Variants in PTPRN observed in about 807,000 individuals in gnomAD.
The protein encoded by PTPRN is protein tyrosine phosphatase receptor type N.
PTPRN carries 70 observed loss-of-function variants against 108.5 expected under a neutral mutation model. The ratio of observed to expected loss-of-function variants is 0.65; its 90% confidence interval spans 0.53 to 0.79. The LOEUF (loss-of-function observed/expected upper bound fraction) is 0.79. PTPRN is among the 30% of genes least tolerant of loss of function. The probability of loss-of-function intolerance (pLI) is 0.00; values close to 1 mark genes in which losing one functional copy is unlikely to be tolerated. For synonymous variants in PTPRN, 496 were observed against 524.6 expected (o/e 0.95, Z 0.75); for missense variants, 1,136 against 1,295.5 (o/e 0.88, Z 1.89).
At position 219,295,068 on chromosome 2, in the gene PTPRN, G is replaced by GTC. The variant is rs1559295062; in HGVS notation, c.2580_2581dup (p.Thr861ArgfsTer35). 6.2e-7 allele frequency: 1 copy of GTC among 1,613,636 alleles called. No homozygotes were observed. Among genetic ancestry groups the GTC allele is most frequent in the Non-Finnish European group, 8.5e-7 (1 of 1,179,694 alleles). Reference sequence around the variant, plus strand: ...CTGCGTGAGCGTGCGCGTCTCCTGGGTCTGCACGTTCTTCAGGTAGAAGCT... The same window carrying GTC: ...CTGCGTGAGCGTGCGCGTCTCCTGGGTCTCTGCACGTTCTTCAGGTAGAAGCT... On this transcript the variant is annotated frameshift_variant, in exon 19 of 23. Transcript: ENST00000295718. LOFTEE classifies it high-confidence loss of function.
chr2:219,298,542 T>TA, intron 12 of PTPRN, among the ~76,000 whole-genome samples: 1 of 151,214 alleles, frequency 6.6e-6, no homozygotes, highest in Non-Finnish European at 1.5e-5. Flanking sequence ...CCATCTCTAC[T>TA]AAAAATACAA....
chr2:219,293,357 T>C (rs527713713), intron 19 of PTPRN, among the ~76,000 whole-genome samples: 4 of 152,186 alleles, frequency 2.6e-5, no homozygotes, highest in African/African-American at 9.6e-5. Flanking sequence ...ATTTTTGTAT[T>C]TTTGGCAGAA....
rs961282073 is a variant in PTPRN at position 219,301,630 on chromosome 2, T to C, written c.1084A>G (p.Thr362Ala). The C allele has an allele frequency of 6.2e-7, 1 of 1,613,134 alleles. No homozygotes were observed. Among genetic ancestry groups the C allele is most frequent in the Non-Finnish European group, 8.5e-7 (1 of 1,179,318 alleles). The part of the protein sequence containing the change: ...LTPEQLSTLL[T>A]LLQLLPKGAG... ...CCCTTGGGCAGTAGCTGCAGCAGGG[T>C]CAGGAGTGTGGAGAGCTGCTCAGGG... Residue 362 changes from threonine (T) to alanine (A), a missense_variant, in exon 7 of 23, where the codon ACC becomes GCC. Coordinates refer to ENST00000295718, the MANE Select transcript of PTPRN (RefSeq NM_002846.4).
rs1311853325 is a variant in PTPRN at position 219,291,508 on chromosome 2, G to A, written c.2691C>T (p.Cys897=). 5.0e-6 allele frequency: 8 copies of A among 1,614,028 alleles called. No individual in the cohort carries two copies. The highest frequency in any genetic ancestry group is 5.9e-6 in the Non-Finnish European group (7 of 1,180,006). The change falls in exon 20 of 23, where the codon TGC becomes TGT. Residue 897 remains cysteine (C), a synonymous_variant. Transcript: ENST00000295718. ...TGATGGGGCAGGAGCGGCCCCGGTAGCACTTGTTCACCTTCCTGCAACAAG... is the reference window on the plus strand; with the variant it reads ...TGATGGGGCAGGAGCGGCCCCGGTAACACTTGTTCACCTTCCTGCAACAAG... ...LLDFRRKVNK[C]YRGRSCPIIV... is the part of the protein sequence containing the mutation.
chr2:219,309,047 A>T (rs1459470997), intron 1 of PTPRN, 171 bp downstream of exon 1: 1 of 1,497,850 alleles, frequency 6.7e-7, no homozygotes, highest in African/African-American at 1.6e-5. Flanking sequence ...CTCCAGGCCT[A>T]CGCCCCTTTC....
rs892476507 is a variant in PTPRN, at chr2:219,302,734, G to A, written c.481C>T (p.Pro161Ser). ...GCCCCAGCTCCACCTTTGCCCACTGGTGGTTGTGGAAGCCGATGCTGGGCA... is the reference window on the plus strand; with the variant it reads ...GCCCCAGCTCCACCTTTGCCCACTGATGGTTGTGGAAGCCGATGCTGGGCA... ...PAAQHRLPQP[P>S]VGKGGAGASS... The change falls in exon 5 of 23, where the codon CCA becomes TCA. Residue 161 changes from proline (P) to serine (S), a missense_variant. Transcript: ENST00000295718. The A allele has an allele frequency of 6.2e-7, 1 of 1,613,628 alleles. No individual in the cohort carries two copies.
chr2:219,308,791 G>A (rs114246487), intron 1 of PTPRN: 18 of 1,252,458 alleles, frequency 1.4e-5, no homozygotes, highest in Non-Finnish European at 1.9e-5. Flanking sequence ...GGGACTCTAT[G>A]TCTGCGGCCC....
At position 219,302,639 on chromosome 2, in the gene PTPRN, T is replaced by G. The variant is rs769324980; in HGVS notation, c.576A>C (p.Pro192=). 5 of 1,613,448 alleles carry G rather than the reference T, an allele frequency of 3.1e-6. No homozygotes were observed. The highest frequency in any genetic ancestry group is 1.3e-5 in the African/African-American group (1 of 74,772). Residue 192 remains proline, a synonymous_variant, in exon 5 of 23, where the codon CCA becomes CCC. Coordinates refer to ENST00000295718, the MANE Select transcript of PTPRN (RefSeq NM_002846.4). ...AACTCAGTGAAGGGTGGGGAGGCTG[T>G]GGGGGCAGCAGCAGGTGCTCCAAGA... The part of the protein sequence containing the change: ...PPLLEHLLLP[P]QPPHPSLSYE...
At chr2:219,299,555 G>T in intron 10 of PTPRN, 145 bp downstream of exon 10, 1 of 1,139,408 alleles carries the variant, frequency 8.8e-7, no homozygotes, top group Non-Finnish European at 1.3e-6. Flanking sequence ...CAACGGGCTG[G>T]GTGTGGCTGT....
At position 219,289,946 on chromosome 2, in the gene PTPRN, A is replaced by G. The variant is rs1166467869; in HGVS notation, c.*280T>C. On this transcript the variant is annotated 3_prime_UTR_variant, in exon 23 of 23. Transcript: ENST00000295718. ...ACAGGAGAGCCAGGCCAGGGAATGT[A>G]GGCAGGAGAAGGCTCTGGGTAGAAT... is the stretch of plus-strand genomic sequence containing the variant. The G allele has an allele frequency of 4.6e-6, 2 of 436,254 alleles. No individual in the cohort carries two copies. Among genetic ancestry groups the G allele is most frequent in the Non-Finnish European group, 8.4e-6 (2 of 237,158 alleles). The allele number at this position is 436,254 out of a possible 1,614,324, so 27.0% of individuals were successfully genotyped here.
At position 219,294,022 on chromosome 2, in the gene PTPRN, C is replaced by T. The variant is rs1952112019; in HGVS notation, c.2675+953G>A. 3 of 482,294 alleles carry T rather than the reference C, an allele frequency of 6.2e-6. No homozygotes were observed. The East Asian group carries it at 1.8e-4, about 29-fold the overall frequency. The allele number at this position is 482,294 out of a possible 1,614,324, so 29.9% of individuals were successfully genotyped here. A position where few individuals can be genotyped will look rare whatever the true frequency, so the allele number is the denominator to read the frequency against. ...CAGAATCCAGAGATCCTCCCACACT[C>T]CTTTCGACAGTCTTTGCCTCTTCCC... On this transcript the variant is annotated intron_variant, in intron 19 of 22. Transcript: ENST00000295718.
rs1193799216 is a variant in PTPRN at position 219,299,966 on chromosome 2, C to G, written c.1436+19G>C. ...CAAATCCTAGCAGACCAGAAAGCTT[C>G]CCAGGATGCAGCCCTTACTTCTGAT... On this transcript the variant is annotated intron_variant, in intron 9 of 22. Coordinates refer to ENST00000295718, the MANE Select transcript of PTPRN (RefSeq NM_002846.4). The G allele has an allele frequency of 6.2e-7, 1 of 1,613,614 alleles. No individual in the cohort carries two copies. Among genetic ancestry groups the G allele is most frequent in the Non-Finnish European group, 8.5e-7 (1 of 1,179,786 alleles).
Position 219,297,802 on chromosome 2 carries a change from G to C in PTPRN, c.1887+83C>G. 2 of 1,458,870 alleles carry C rather than the reference G, an allele frequency of 1.4e-6. No individual in the cohort carries two copies. The highest frequency in any genetic ancestry group is 2.7e-5 in the South Asian group (2 of 74,682). The allele number at this position is 1,458,870 out of a possible 1,614,324, so 90.4% of individuals were successfully genotyped here. A position where few individuals can be genotyped will look rare whatever the true frequency, so the allele number is the denominator to read the frequency against. On this transcript the variant is annotated intron_variant, in intron 13 of 22. Transcript: ENST00000295718. The surrounding 1 kb of genome is among the most constrained non-coding windows in gnomAD (Gnocchi z 6.0). ...GGGATGAGGGCTCACTCCCCATTCA[G>C]TTCCGACCCTTAGTCCACGCAAGAC...
intron 19 of PTPRN, chr2:219,294,319 A>C (rs932330354): frequency 1.8e-5 from 7 of 381,998 alleles, no homozygotes; most frequent in Non-Finnish European, 3.8e-5. Context: ...CAGGGGAAGG[A>C]GGTGGAGAAA....
rs2125093683 is a variant in PTPRN at position 219,299,329 on chromosome 2, A to G, written c.1579T>C (p.Leu527=). ...RIRHNEQNLS[L]ADVTQQAGLV... ...CCTGCTTGTTGGGTCACATCAGCCA[A>G]AGACAGGTTCTGCTCATTGTGCCGG... is the stretch of plus-strand genomic sequence containing the variant. The change falls in exon 11 of 23, where the codon TTG becomes CTG. Residue 527 remains leucine, a synonymous_variant. Coordinates refer to ENST00000295718, the MANE Select transcript of PTPRN (RefSeq NM_002846.4). 1 of 1,614,242 alleles carries G rather than the reference A, an allele frequency of 6.2e-7. No individual in the cohort carries two copies. The highest frequency in any genetic ancestry group is 1.6e-4 in the Middle Eastern group (1 of 6,062).
intron 9 of PTPRN, 24 bp downstream of exon 9, chr2:219,299,961 A>T: frequency 4.3e-6 from 7 of 1,613,352 alleles, no homozygotes; most frequent in South Asian, 1.1e-5. Context: ...CAGACCAGAA[A>T]GCTTCCCAGG....
In PTPRN at chr2:219,298,429, C is replaced by T. The variant is rs10200837; in HGVS notation, c.1669-326G>A. Among the ~76,000 whole-genome samples, 1,019 of 152,208 alleles carry T rather than the reference C, an allele frequency of 6.7e-3. 5 individuals are homozygous for T. Among genetic ancestry groups the T allele is most frequent in the African/African-American group, 0.024 (977 of 41,522 alleles). Reference sequence around the variant, plus strand: ...AAAGGTATTTTGAGTATAGGCCGGGCGTGGTGGCTCACACCTGTAATCTCA... The same window carrying T: ...AAAGGTATTTTGAGTATAGGCCGGGTGTGGTGGCTCACACCTGTAATCTCA... On this transcript the variant is annotated intron_variant, in intron 12 of 22. Coordinates refer to ENST00000295718, the MANE Select transcript of PTPRN (RefSeq NM_002846.4).
At chr2:219,302,862 T>C (rs761798179) in intron 4 of PTPRN, 25 bp from the exon 5 acceptor site, 1 of 1,599,964 alleles carries the variant, frequency 6.3e-7, no homozygotes. Context: ...AAAGTGTGTG[T>C]GTTGGAGCGG....
In PTPRN at chr2:219,302,743, G is replaced by T; in HGVS notation, c.472C>A (p.Pro158Thr). 1 of 1,613,562 alleles carries T rather than the reference G, an allele frequency of 6.2e-7. No homozygotes were observed. The change falls in exon 5 of 23, where the codon CCA (proline) becomes ACA (threonine). Residue 158 changes from proline (P) to threonine (T), a missense_variant. Transcript: ENST00000295718. ...CCACCTTTGCCCACTGGTGGTTGTGGAAGCCGATGCTGGGCAGCAGGGGCG... is the reference window on the plus strand; with the variant it reads ...CCACCTTTGCCCACTGGTGGTTGTGTAAGCCGATGCTGGGCAGCAGGGGCG... Reference protein sequence around the residue: ...GSAPAAQHRLPQPPVGKGGAG... With the variant: ...GSAPAAQHRLTQPPVGKGGAG...
Sources: allele counts gnomAD v4.1 joint callset (sites outside exome capture counted in the v4.1 genomes callset), GRCh38; gene constraint gnomAD v4.1.1; non-coding constraint Gnocchi (gnomAD v3.1); transcripts MANE v1.5; gene names NCBI Gene and HGNC (gene_info 2026-07-23, HGNC 2026-07-21).